The following STK33 variants were observed in gnomAD, a reference collection of about 807,000 sequenced individuals.
STK33 encodes serine/threonine-protein kinase 33.
Under a neutral mutation model 58.0 loss-of-function variants are expected in STK33, and 52 were observed. The ratio of observed to expected loss-of-function variants is 0.90; its 90% confidence interval spans 0.72 to 1.13. The LOEUF (loss-of-function observed/expected upper bound fraction) is 1.13. Ranked by LOEUF, STK33 falls within the 50% of genes most tolerant of loss-of-function variation. The pLI is 0.00. For missense variants in STK33, 630 were observed against 604.2 expected (o/e 1.04, Z -0.45); for synonymous variants, 215 against 200.1 (o/e 1.07, Z -0.63).
At chr11:8,546,168 CA>C (rs1213484409) in intron 1 of STK33, among the ~76,000 whole-genome samples, 4 of 152,188 alleles carry the variant, frequency 2.6e-5, no homozygotes, top group Non-Finnish European at 5.9e-5. Context: ...AACAGTGAGT[CA>C]GTAGTGAGTG....
rs569299554 is a variant in STK33, at chr11:8,534,049, C to T, written c.-465-53435G>A. 9.2e-5 allele frequency among the ~76,000 whole-genome samples: 14 copies of T among 152,064 alleles called. No individual in the cohort carries two copies. In the South Asian group the frequency reaches 2.3e-3, roughly 25 times the overall value. On this transcript the variant is annotated intron_variant, in intron 1 of 15. Coordinates refer to ENST00000687296, the MANE Select transcript of STK33 (RefSeq NM_001352389.2). ...CAGCACTTTGGGAGGCTGAGGAGGG[C>T]GGATCACCTGAGGTCAGGAGTTCAA... is the stretch of plus-strand genomic sequence containing the variant.
intron 12 of STK33, among the ~76,000 whole-genome samples, chr11:8,438,606 C>G (rs1050767073): frequency 1.3e-5 from 2 of 152,148 alleles, no homozygotes; most frequent in African/African-American, 4.8e-5. Flanking sequence ...GATATGCAGT[C>G]ACACTCTGAA....
chr11:8,351,958 G>A, the STK33 span, among the ~76,000 whole-genome samples: 1 of 152,200 alleles, frequency 6.6e-6, no homozygotes, highest in African/African-American at 2.4e-5. Flanking sequence ...GCTCACGGTC[G>A]GAGGACTGAG....
At chr11:8,352,196 G>A in the STK33 span, among the ~76,000 whole-genome samples, 41 of 152,332 alleles carry the variant, frequency 2.7e-4, no homozygotes, top group Non-Finnish European at 4.4e-4. Flanking sequence ...GCAGGTGCCC[G>A]GGAGGAGAGA....
intron 1 of STK33, among the ~76,000 whole-genome samples, chr11:8,566,532 G>A (rs972883522): frequency 2.6e-5 from 4 of 152,178 alleles, no homozygotes; most frequent in African/African-American, 7.2e-5. Flanking sequence ...AAAGATCAGG[G>A]TCATTAGCCT....
intron 15 of STK33, among the ~76,000 whole-genome samples, chr11:8,402,951 G>T (rs1455639862): frequency 1.3e-5 from 2 of 152,150 alleles, no homozygotes; most frequent in Non-Finnish European, 2.9e-5. Context: ...TTATAGTTTT[G>T]TAAGTAATAG....
At chr11:8,447,685 T>A (rs570117892) in intron 11 of STK33, among the ~76,000 whole-genome samples, 1 of 152,118 alleles carries the variant, frequency 6.6e-6, no homozygotes, top group Non-Finnish European at 1.5e-5. Context: ...ATATCATACT[T>A]AATGGGCAAA....
intron 4 of STK33, among the ~76,000 whole-genome samples, chr11:8,476,447 A>T (rs186808677): frequency 5.1e-4 from 78 of 152,352 alleles, no homozygotes; most frequent in Admixed American, 2.4e-3. Flanking sequence ...CGTACTCTTC[A>T]CTACCTCTCA....
downstream of STK33, among the ~76,000 whole-genome samples, chr11:8,388,358 A>G (rs1054849271): frequency 6.6e-6 from 1 of 152,256 alleles, no homozygotes; most frequent in Non-Finnish European, 1.5e-5. Context: ...AGGCAGCCAC[A>G]AGAAATGCAA....
chr11:8,473,646 T>C (rs1450000175), intron 5 of STK33, among the ~76,000 whole-genome samples: 3 of 152,194 alleles, frequency 2.0e-5, no homozygotes, highest in South Asian at 2.1e-4. Flanking sequence ...ATAAGTAAAT[T>C]ATTGGCCACT....
At chr11:8,408,645 A>G (rs971164480) in intron 15 of STK33, among the ~76,000 whole-genome samples, 2 of 152,222 alleles carry the variant, frequency 1.3e-5, no homozygotes, top group Non-Finnish European at 2.9e-5. Context: ...TTATTCAACT[A>G]TGTTTGAGAG....
chr11:8,528,390 A>C (rs1455481203), intron 1 of STK33, among the ~76,000 whole-genome samples: 1 of 152,222 alleles, frequency 6.6e-6, no homozygotes, highest in African/African-American at 2.4e-5. Context: ...TTAATGAACC[A>C]ATGTAAATGA....
At chr11:8,367,871 TCA>T in the STK33 span, among the ~76,000 whole-genome samples, 4 of 151,936 alleles carry the variant, frequency 2.6e-5, no homozygotes, top group South Asian at 6.3e-4. Context: ...GACACACTCA[TCA>T]CACACACACA....
intron 7 of STK33, among the ~76,000 whole-genome samples, chr11:8,462,331 G>A (rs908436762): frequency 6.7e-6 from 1 of 150,120 alleles, no homozygotes; most frequent in African/African-American, 2.4e-5. Context: ...ATAAATTGAG[G>A]AAGAAAAAAA....
the STK33 span, among the ~76,000 whole-genome samples, chr11:8,359,750 CCT>C: frequency 1.3e-5 from 2 of 152,234 alleles, no homozygotes; most frequent in African/African-American, 4.8e-5. Context: ...GCCTGTGTCC[CCT>C]GAGTTCGGGG....
intron 1 of STK33, among the ~76,000 whole-genome samples, chr11:8,559,738 A>G (rs916255011): frequency 2.0e-5 from 3 of 152,204 alleles, no homozygotes; most frequent in African/African-American, 7.2e-5. Flanking sequence ...GAAAGAGTCC[A>G]GAGGGTATAA....
chr11:8,455,273 A>G (rs1011630695), intron 9 of STK33, among the ~76,000 whole-genome samples: 10 of 152,198 alleles, frequency 6.6e-5, no homozygotes, highest in African/African-American at 2.4e-4. Context: ...ACTTGGCTAC[A>G]TATATACAAA....
chr11:8,522,614 C>G (rs1005326976), intron 1 of STK33, among the ~76,000 whole-genome samples: 1 of 152,168 alleles, frequency 6.6e-6, no homozygotes, highest in Non-Finnish European at 1.5e-5. Flanking sequence ...CCATGATTTA[C>G]TGGATATGAC....
chr11:8,357,768 G>C, the STK33 span, among the ~76,000 whole-genome samples: 1 of 152,068 alleles, frequency 6.6e-6, no homozygotes, highest in Non-Finnish European at 1.5e-5. Flanking sequence ...GTGCACCCTA[G>C]GGTCACCTTT....
Sources: allele counts gnomAD v4.1 joint callset (sites outside exome capture counted in the v4.1 genomes callset), GRCh38; gene constraint gnomAD v4.1.1; transcripts MANE v1.5; gene names NCBI Gene and HGNC (gene_info 2026-07-23, HGNC 2026-07-21).